The following ADAMTS2 variants were observed in gnomAD, a reference collection of about 807,000 sequenced individuals.
The protein encoded by ADAMTS2 is ADAM metallopeptidase with thrombospondin type 1 motif 2.
Under a neutral mutation model 123.0 loss-of-function variants are expected in ADAMTS2, and 50 were observed. That is an observed-to-expected ratio of 0.41 (90% CI 0.32 to 0.51). ADAMTS2 has a LOEUF of 0.51. ADAMTS2 is among the 20% of genes least tolerant of loss of function. ADAMTS2 has a pLI of 0.35. For synonymous variants in ADAMTS2, 678 were observed against 695.4 expected (o/e 0.98, Z 0.39); for missense variants, 1,494 against 1,705.2 (o/e 0.88, Z 2.18).
chr5:179,199,925 C>T (rs1195284841), intron 4 of ADAMTS2, among the ~76,000 whole-genome samples: 4 of 152,160 alleles, frequency 2.6e-5, no homozygotes, highest in Non-Finnish European at 5.9e-5. Flanking sequence ...AATTTTTGTT[C>T]ACTTAGAACA....
chr5:179,269,275 G>A (rs1242104320), intron 3 of ADAMTS2, among the ~76,000 whole-genome samples: 1 of 152,174 alleles, frequency 6.6e-6, no homozygotes, highest in Non-Finnish European at 1.5e-5. Flanking sequence ...TCAGACTTCT[G>A]GCCCACAGAG....
chr5:179,155,054 G>T lies in ADAMTS2; in HGVS notation c.1133-135C>A. The T allele has an allele frequency of 2.6e-6, 2 of 782,864 alleles. No individual in the cohort carries two copies. The highest frequency in any genetic ancestry group is 2.2e-6 in the Non-Finnish European group (1 of 452,206). 48.5% of individuals were successfully genotyped at this position (782,864 alleles called of 1,614,324 possible). ...TACCACAGGCAACTGCCCCCGGCTGGCACAGCTCAGAAGACACCACAGCAG... is the reference window on the plus strand; with the variant it reads ...TACCACAGGCAACTGCCCCCGGCTGTCACAGCTCAGAAGACACCACAGCAG... On this transcript the variant is annotated intron_variant, in intron 6 of 21. Transcript: ENST00000251582. This position sits in a 1 kb window ranked among gnomAD's most constrained non-coding sequence, Gnocchi z 5.1.
At chr5:179,148,853 G>T (rs1238538279) in intron 10 of ADAMTS2, among the ~76,000 whole-genome samples, 1 of 152,190 alleles carries the variant, frequency 6.6e-6, no homozygotes, top group Non-Finnish European at 1.5e-5. Flanking sequence ...ACGGAGGGGG[G>T]TACTGTGGGC....
intron 2 of ADAMTS2, among the ~76,000 whole-genome samples, chr5:179,293,226 G>A (rs915178733): frequency 2.1e-4 from 32 of 152,352 alleles, no homozygotes; most frequent in Middle Eastern, 3.4e-3. Flanking sequence ...AGACTCACAC[G>A]TCCTTAAAAA....
At chr5:179,322,539 AC>A (rs147272394) in intron 2 of ADAMTS2, among the ~76,000 whole-genome samples, 2,618 of 152,208 alleles carry the variant, frequency 0.017, 68 homozygotes, top group African/African-American at 0.059. Flanking sequence ...CTTCATTGCC[AC>A]ATCAGACACC....
chr5:179,340,010 G>A (rs1346706969), intron 2 of ADAMTS2, among the ~76,000 whole-genome samples: 1 of 152,246 alleles, frequency 6.6e-6, no homozygotes, highest in Non-Finnish European at 1.5e-5. Context: ...AGCCCCGCAG[G>A]GGAGCCCCAG....
chr5:179,126,421 G>A (rs775726950), intron 17 of ADAMTS2, among the ~76,000 whole-genome samples: 19 of 152,322 alleles, frequency 1.2e-4, no homozygotes, highest in African/African-American at 3.6e-4. Context: ...GCTAGGCACC[G>A]CTTCTACCTT....
chr5:179,339,182 G>A (rs1757699259), intron 2 of ADAMTS2, among the ~76,000 whole-genome samples: 1 of 152,210 alleles, frequency 6.6e-6, no homozygotes, highest in Non-Finnish European at 1.5e-5. Flanking sequence ...CCCAAAGGTG[G>A]GCAGGAGACC....
At chr5:179,134,061 ACG>A (rs1254791181) in intron 13 of ADAMTS2, among the ~76,000 whole-genome samples, 1 of 152,126 alleles carries the variant, frequency 6.6e-6, no homozygotes, top group Non-Finnish European at 1.5e-5. Context: ...AGCCACACCC[ACG>A]GAGACAGTGC....
intron 3 of ADAMTS2, among the ~76,000 whole-genome samples, chr5:179,216,924 C>T (rs921327573): frequency 3.9e-5 from 6 of 152,224 alleles, no homozygotes; most frequent in Non-Finnish European, 5.9e-5. Flanking sequence ...AGGAAGAGCA[C>T]CATGCGGCTC....
chr5:179,128,997 G>A lies in ADAMTS2; in HGVS notation c.2458-879C>T, dbSNP rs979202448. On this transcript the variant is annotated intron_variant, in intron 16 of 21. Coordinates refer to ENST00000251582, the MANE Select transcript of ADAMTS2 (RefSeq NM_014244.5). The surrounding 1 kb of genome is among the most constrained non-coding windows in gnomAD (Gnocchi z 4.9). ...ATGAGAGCAGAAACAAGCAGACAGC[G>A]TGCTGAGTTGCTCCCACCTCCGCTG... Among the ~76,000 whole-genome samples, 13 of 152,272 alleles carry A rather than the reference G, an allele frequency of 8.5e-5. 1 individual carries two copies. Among genetic ancestry groups the A allele is most frequent in the Middle Eastern group, 3.4e-3 (1 of 294 alleles).
intron 3 of ADAMTS2, among the ~76,000 whole-genome samples, chr5:179,271,785 T>C (rs769902675): frequency 6.6e-6 from 1 of 152,172 alleles, no homozygotes; most frequent in Non-Finnish European, 1.5e-5. Context: ...TTTCATGAAA[T>C]TAGAAGTATG....
rs748783596 is a variant in ADAMTS2, at chr5:179,122,780, G to T, written c.2959-7C>A. 1.3e-6 allele frequency: 2 copies of T among 1,554,692 alleles called. No individual in the cohort carries two copies. The highest frequency in any genetic ancestry group is 8.7e-7 in the Non-Finnish European group (1 of 1,149,450). On this transcript the variant is annotated splice_region_variant and splice_polypyrimidine_tract_variant and intron_variant, in intron 19 of 21. Coordinates refer to ENST00000251582, the MANE Select transcript of ADAMTS2 (RefSeq NM_014244.5). ...TGCCACAGGTTACTGAGCACTGCAG[G>T]GGGAGAGTCGCCAGGCAGGGTTCAC...
chr5:179,121,556 A>T, intron 21 of ADAMTS2, 105 bp downstream of exon 21: 1 of 938,930 alleles, frequency 1.1e-6, no homozygotes, highest in Non-Finnish European at 1.6e-6. Context: ...CCGCAGAGTC[A>T]GGGGAGCTTT....
intron 4 of ADAMTS2, among the ~76,000 whole-genome samples, chr5:179,204,339 C>T (rs1486677605): frequency 2.0e-5 from 3 of 152,206 alleles, no homozygotes; most frequent in Non-Finnish European, 1.5e-5. Context: ...AAGACGGTGA[C>T]TTATGTTCTG....
intron 2 of ADAMTS2, among the ~76,000 whole-genome samples, chr5:179,340,540 A>T (rs1757742759): frequency 1.3e-5 from 2 of 152,218 alleles, no homozygotes; most frequent in Non-Finnish European, 2.9e-5. Context: ...TTCTTTTTGT[A>T]GGCATGCAGG....
chr5:179,342,248 C>A (rs950963674), intron 2 of ADAMTS2, among the ~76,000 whole-genome samples: 2 of 152,202 alleles, frequency 1.3e-5, no homozygotes, highest in African/African-American at 4.8e-5. Flanking sequence ...AGACTGCAAC[C>A]CCATGTCAAC....
chr5:179,212,111 G>C (rs1764866818), intron 3 of ADAMTS2, among the ~76,000 whole-genome samples: 1 of 152,360 alleles, frequency 6.6e-6, no homozygotes, highest in African/African-American at 2.4e-5. Context: ...AAACAAGTAT[G>C]ATTAGACTAG....
At chr5:179,274,033 G>T (rs1031925795) in intron 2 of ADAMTS2, among the ~76,000 whole-genome samples, 1 of 149,918 alleles carries the variant, frequency 6.7e-6, no homozygotes, top group Non-Finnish European at 1.5e-5. Flanking sequence ...CGGCCATCTG[G>T]TAAACCTGTG....
Sources: gnomAD v4.1 joint callset for allele counts (sites outside exome capture counted in the v4.1 genomes callset) on GRCh38, gnomAD v4.1.1 for gene constraint, Gnocchi (gnomAD v3.1) non-coding constraint, MANE v1.5 for transcripts, NCBI Gene and HGNC (gene_info 2026-07-23, HGNC 2026-07-21) for gene names.